The following RTEL1 variants were observed in gnomAD, a reference collection of about 807,000 sequenced individuals.
The protein encoded by RTEL1 is regulator of telomere length.
RTEL1 carries 86 observed loss-of-function variants against 162.2 expected under a neutral mutation model. The ratio of observed to expected loss-of-function variants is 0.53; its 90% CI spans 0.45 to 0.63. The LOEUF (loss-of-function observed/expected upper bound fraction) is 0.63. Among genes scored for constraint, RTEL1 ranks in the 30% least tolerant of loss-of-function variants. RTEL1 has a pLI of 0.00. For missense variants in RTEL1, 1,941 were observed against 1,750.2 expected (o/e 1.11, Z -1.95); for synonymous variants, 958 against 717.9 (o/e 1.33, Z -5.35).
intron 21 of RTEL1, 67 bp downstream of exon 21, chr20:63,688,672 C>G: frequency 7.0e-7 from 1 of 1,438,424 alleles, no homozygotes; most frequent in South Asian, 1.2e-5. Context: ...CACAGCTTCC[C>G]CAAGGCTGAC....
rs769909059 is a variant in RTEL1 at position 63,661,468 on chromosome 20, C to CGCT, written c.287_289dup (p.Ala96dup). The CGCT allele has an allele frequency of 6.8e-6, 11 of 1,611,814 alleles. No homozygotes were observed. The highest frequency in any genetic ancestry group is 7.6e-6 in the Non-Finnish European group (9 of 1,179,516). ...ATCGGGCCTTGTCATCCTGGGGCAA[C>CGCT]GCTGCTGCTGCTGCTGGAGACCCCA... is the stretch of plus-strand genomic sequence containing the variant. On this transcript the variant is annotated inframe_insertion, in exon 3 of 35. Transcript: ENST00000360203. The surrounding 1 kb of genome is among the most constrained non-coding windows in gnomAD (Gnocchi z 5.1).
rs748518636 is a variant in RTEL1 at position 63,672,600 on chromosome 20, C to A, written c.744C>A (p.Ile248=). 1 of 1,586,350 alleles carries A rather than the reference C, an allele frequency of 6.3e-7. No homozygotes were observed. Residue 248 remains isoleucine (I), a synonymous_variant, in exon 9 of 35, where the codon ATC becomes ATA. Transcript: ENST00000360203. ...HNIDLKGTVV[I]FDEAHNVEKM... is the part of the protein sequence containing the mutation. ...TTGACCTGAAGGGGACAGTCGTGAT[C>A]TTTGACGAAGCTCACAACGTGGTGA... is the stretch of plus-strand genomic sequence containing the variant.
rs537463509 is a variant in RTEL1, at chr20:63,675,649, G to A, written c.919+1556G>A. On this transcript the variant is annotated intron_variant, in intron 10 of 34. Transcript: ENST00000360203. ...CCGTCTCAGCGTCTTAAAGCGCCGG[G>A]ACCACAGGTGTGCACCACTGCCACC... Among the ~76,000 whole-genome samples, 5 of 152,296 alleles carry A rather than the reference G, an allele frequency of 3.3e-5. No homozygotes were observed. In the South Asian group the frequency reaches 1.0e-3, roughly 32 times the overall value.
intron 16 of RTEL1, 175 bp downstream of exon 16, chr20:63,686,047 G>A (rs1420275210): frequency 1.2e-5 from 8 of 652,730 alleles, no homozygotes; most frequent in African/African-American, 1.1e-4. Flanking sequence ...GAAGATTGGA[G>A]TTACTGAGAG....
intron 30 of RTEL1, among the ~76,000 whole-genome samples, chr20:63,693,528 TCCA>T (rs1568720636): frequency 0.043 from 135 of 3,142 alleles, 8 homozygotes; most frequent in Middle Eastern, 0.083. Flanking sequence ...CACCACCACC[TCCA>T]CCACCACCAC....
At chr20:63,681,340 T>A (rs1418013841) in intron 14 of RTEL1, 1 of 985,250 alleles carries the variant, frequency 1.0e-6, no homozygotes, top group African/African-American at 1.7e-5. Context: ...TCTGGGCACG[T>A]TGCCTCTCCG....
At chr20:63,667,097 C>T (rs111789843) in intron 7 of RTEL1, among the ~76,000 whole-genome samples, 3 of 152,274 alleles carry the variant, frequency 2.0e-5, no homozygotes, top group African/African-American at 4.8e-5. Flanking sequence ...CCTCGGCCTC[C>T]CAAAGTGCTG....
chr20:63,678,585 GGAACAGCACACACACTCCCAC>G (rs749785638), intron 12 of RTEL1, among the ~76,000 whole-genome samples: 43 of 87,242 alleles, frequency 4.9e-4, no homozygotes, highest in Admixed American at 3.0e-3. Context: ...ACACACCCAT[GGAACAGCACACACACTCCCAC>G]GAACAGCACA....
rs2090849686 is a variant in RTEL1, at chr20:63,693,501, ACCACCACCTCCT to A, written c.2992+227_2992+238del. Among the ~76,000 whole-genome samples the A allele has an allele frequency of 1.0e-3, 18 of 17,734 alleles. 1 individual carries two copies. Among genetic ancestry groups the A allele is most frequent in the Admixed American group, 2.7e-3 (4 of 1,456 alleles). 11.6% of individuals were successfully genotyped at this position (17,734 alleles called of 152,430 possible). A position where few individuals can be genotyped will look rare whatever the true frequency, so the allele number is the denominator to read the frequency against. ...CACCTCCACCACCACCTCCACCTCC[ACCACCACCTCCT>A]CCACCACCACCACCTCCACCACCAC... On this transcript the variant is annotated intron_variant, in intron 30 of 34. Transcript: ENST00000360203.
intron 28 of RTEL1, chr20:63,692,437 C>T: frequency 5.9e-6 from 2 of 339,220 alleles, no homozygotes; most frequent in South Asian, 3.2e-5. Flanking sequence ...CCGGAAGCCC[C>T]TCCTTGTGCG....
chr20:63,675,912 C>T (rs2090340280), intron 10 of RTEL1, among the ~76,000 whole-genome samples: 1 of 152,184 alleles, frequency 6.6e-6, no homozygotes. Flanking sequence ...CACCCACCCC[C>T]AGGCCTGTGT....
chr20:63,660,350 C>CCCGGCTTTCCAGGGCAGAGGTCCCT (rs2089994267), intron 2 of RTEL1, among the ~76,000 whole-genome samples: 3 of 152,256 alleles, frequency 2.0e-5, no homozygotes, highest in Admixed American at 1.3e-4. Context: ...TTGGGCAATA[C>CCCGGCTTTCCAGGGCAGAGGTCCCT]CCGGCTTTCC....
intron 8 of RTEL1, 99 bp from the exon 9 acceptor site, chr20:63,672,457 T>C: frequency 1.0e-6 from 1 of 979,512 alleles, no homozygotes; most frequent in Non-Finnish European, 1.6e-6. Context: ...GTTGCTCATC[T>C]GCGCTTGTGA....
intron 14 of RTEL1, among the ~76,000 whole-genome samples, chr20:63,683,607 T>C (rs1382499599): frequency 6.6e-6 from 1 of 152,214 alleles, no homozygotes; most frequent in Non-Finnish European, 1.5e-5. Flanking sequence ...CTAGTTCGGC[T>C]TCTCCGCATT....
intron 31 of RTEL1, 65 bp from the exon 32 acceptor site, chr20:63,694,676 C>A (rs2090924280): frequency 2.1e-6 from 3 of 1,397,770 alleles, no homozygotes; most frequent in African/African-American, 2.9e-5. Flanking sequence ...GAAGGGCGGG[C>A]AGGGCGGTGG....
chr20:63,693,348 G>C (rs990550024), intron 30 of RTEL1, 65 bp downstream of exon 30: 44 of 1,587,588 alleles, frequency 2.8e-5, no homozygotes, highest in Admixed American at 2.0e-4. Context: ...CCAGAGTCCT[G>C]GGCTGCTTGG....
At chr20:63,694,666 G>A in intron 31 of RTEL1, 75 bp from the exon 32 acceptor site, 9 of 1,365,078 alleles carry the variant, frequency 6.6e-6, no homozygotes, top group Middle Eastern at 2.2e-4. Flanking sequence ...GTTCCTGGAG[G>A]AAGGGCGGGC....
intron 22 of RTEL1, 38 bp from the exon 23 acceptor site, chr20:63,689,464 C>A (rs749732593): frequency 1.3e-6 from 2 of 1,491,614 alleles, no homozygotes; most frequent in East Asian, 4.8e-5. Context: ...GGAGAGGAGC[C>A]CCCACGGCCC....
At chr20:63,688,878 A>C in intron 21 of RTEL1, 177 bp from the exon 22 acceptor site, 1 of 702,498 alleles carries the variant, frequency 1.4e-6, no homozygotes, top group Non-Finnish European at 2.4e-6. Context: ...TCTGGGAAGC[A>C]CTGAGCAGGC....
Sources: allele counts gnomAD v4.1 joint callset (sites outside exome capture counted in the v4.1 genomes callset), GRCh38; gene constraint gnomAD v4.1.1; non-coding constraint Gnocchi (gnomAD v3.1); transcripts MANE v1.5; gene names NCBI Gene and HGNC (gene_info 2026-07-23, HGNC 2026-07-21).